TAMM41: variants seen among roughly 807,000 people sequenced by gnomAD.
TAMM41 encodes the protein phosphatidate cytidylyltransferase, mitochondrial.
TAMM41 carries 36 observed loss-of-function variants against 44.1 expected under a neutral mutation model. That is an observed-to-expected ratio of 0.82 (90% CI 0.63 to 1.08). TAMM41 has a LOEUF of 1.08. Among genes scored for constraint, TAMM41 ranks in the 50% least tolerant of loss-of-function variants. The probability of loss-of-function intolerance (pLI) is 0.00; values close to 1 mark genes in which losing one functional copy is unlikely to be tolerated. For synonymous variants in TAMM41, 164 were observed against 153.1 expected (o/e 1.07, Z -0.53); for missense variants, 417 against 404.3 (o/e 1.03, Z -0.27).
the TAMM41 span, among the ~76,000 whole-genome samples, chr3:11,733,822 C>T: frequency 1.3e-5 from 2 of 151,958 alleles, no homozygotes; most frequent in Non-Finnish European, 2.9e-5. Context: ...TTTAAATTTT[C>T]GTTTCCAAGT....
chr3:11,771,310 C>T, the TAMM41 span: 2 of 152,254 alleles, frequency 1.3e-5, no homozygotes, highest in Non-Finnish European at 2.9e-5. Flanking sequence ...CAGGCAATAA[C>T]CTGTGGCCTC....
the TAMM41 span, among the ~76,000 whole-genome samples, chr3:11,740,793 T>A: frequency 0.017 from 2,415 of 143,540 alleles, 60 homozygotes; most frequent in African/African-American, 0.062. Flanking sequence ...CTCGAACTCC[T>A]GACCTCAGGT....
intron 2 of TAMM41, among the ~76,000 whole-genome samples, chr3:11,840,382 G>A (rs555355202): frequency 5.7e-4 from 87 of 151,978 alleles, no homozygotes; most frequent in African/African-American, 1.6e-3. Context: ...ACAGGCACGC[G>A]GTACCACATC....
chr3:11,783,773 G>A, the TAMM41 span, among the ~76,000 whole-genome samples: 1 of 152,216 alleles, frequency 6.6e-6, no homozygotes, highest in Non-Finnish European at 1.5e-5. Context: ...GTGGTTAAGA[G>A]CACTGAGACC....
chr3:11,722,281 C>T, the TAMM41 span, among the ~76,000 whole-genome samples: 180 of 152,246 alleles, frequency 1.2e-3, no homozygotes, highest in African/African-American at 4.3e-3. Context: ...TCAGCATTAG[C>T]GTGACTTAGC....
At chr3:11,797,934 T>G (rs1474983203) in intron 7 of TAMM41, among the ~76,000 whole-genome samples, 3 of 152,048 alleles carry the variant, frequency 2.0e-5, no homozygotes, top group Non-Finnish European at 4.4e-5. Flanking sequence ...GGAATGCAAA[T>G]CAAAATCACA....
chr3:11,773,019 C>T, the TAMM41 span, among the ~76,000 whole-genome samples: 7 of 152,114 alleles, frequency 4.6e-5, no homozygotes, highest in South Asian at 1.0e-3. Flanking sequence ...TGCAGTGGTG[C>T]GATCACAGCT....
chr3:11,791,730 A>G (rs1438959513), intron 7 of TAMM41, among the ~76,000 whole-genome samples: 1 of 152,160 alleles, frequency 6.6e-6, no homozygotes, highest in Non-Finnish European at 1.5e-5. Context: ...GCCTTGGAAA[A>G]GACCACTGCA....
intron 5 of TAMM41, 138 bp downstream of exon 5, chr3:11,817,054 A>C: frequency 1.2e-6 from 1 of 847,484 alleles, no homozygotes; most frequent in East Asian, 2.5e-5. Flanking sequence ...GATACACAGA[A>C]GCCTATGTTT....
At chr3:11,727,872 C>T in the TAMM41 span, among the ~76,000 whole-genome samples, 6 of 151,360 alleles carry the variant, frequency 4.0e-5, no homozygotes, top group South Asian at 2.1e-4. Context: ...CAGCAACCTC[C>T]GCCTCCCGGG....
chr3:11,757,737 C>T, the TAMM41 span, among the ~76,000 whole-genome samples: 1 of 152,210 alleles, frequency 6.6e-6, no homozygotes, highest in South Asian at 2.1e-4. Flanking sequence ...GATTTAGAAG[C>T]AATTCTGTGT....
At chr3:11,782,222 T>C in the TAMM41 span, among the ~76,000 whole-genome samples, 21 of 152,166 alleles carry the variant, frequency 1.4e-4, no homozygotes, top group African/African-American at 5.1e-4. Flanking sequence ...TTAACCTCTG[T>C]AATCCTGTTT....
At chr3:11,826,165 C>G (rs2078738439) in intron 4 of TAMM41, among the ~76,000 whole-genome samples, 1 of 152,090 alleles carries the variant, frequency 6.6e-6, no homozygotes, top group Non-Finnish European at 1.5e-5. Flanking sequence ...GAGGAAAACC[C>G]ATCTGACCAA....
the TAMM41 span, among the ~76,000 whole-genome samples, chr3:11,736,521 G>A: frequency 3.2e-4 from 49 of 152,304 alleles, no homozygotes; most frequent in Middle Eastern, 6.8e-3. Context: ...TTTCTGTTAG[G>A]TTACCTTGGG....
chr3:11,732,869 G>A, the TAMM41 span, among the ~76,000 whole-genome samples: 5 of 152,138 alleles, frequency 3.3e-5, no homozygotes, highest in African/African-American at 4.8e-5. Context: ...TAGGGGTTGG[G>A]GGGACAAATT....
the TAMM41 span, among the ~76,000 whole-genome samples, chr3:11,774,052 T>C: frequency 0.63 from 95,467 of 152,054 alleles, 30,772 homozygotes; most frequent in East Asian, 0.77. Flanking sequence ...CATGCCACTG[T>C]ACTCCAGCCT....
chr3:11,823,552 C>T (rs1420105194), intron 4 of TAMM41, among the ~76,000 whole-genome samples: 11 of 151,920 alleles, frequency 7.2e-5, no homozygotes, highest in African/African-American at 1.7e-4. Context: ...CCACTGCGCC[C>T]GGCCTTTCCA....
chr3:11,734,362 G>A, the TAMM41 span, among the ~76,000 whole-genome samples: 3 of 152,292 alleles, frequency 2.0e-5, no homozygotes, highest in East Asian at 3.9e-4. Flanking sequence ...ACATCTGAAA[G>A]GAGACATTGG....
In TAMM41 at chr3:11,818,028, C is replaced by T. The variant is rs149368232; in HGVS notation, c.563-691G>A. On this transcript the variant is annotated intron_variant, in intron 4 of 7. Transcript: ENST00000455809. ...CCCTGCCAATGCCACTGACAACCAT[C>T]GGCAAGATGGAGGAGAAAGGAATGG... Among the ~76,000 whole-genome samples, 905 of 152,274 alleles carry T rather than the reference C, an allele frequency of 5.9e-3. 7 individuals carry two copies. Among genetic ancestry groups the T allele is most frequent in the African/African-American group, 0.021 (858 of 41,552 alleles).
Sources: gnomAD v4.1 joint callset for allele counts (sites outside exome capture counted in the v4.1 genomes callset) on GRCh38, gnomAD v4.1.1 for gene constraint, MANE v1.5 for transcripts, NCBI Gene and HGNC (gene_info 2026-07-23, HGNC 2026-07-21) for gene names.